PLCB1: variants seen among roughly 807,000 people sequenced by gnomAD.
The protein encoded by PLCB1 is 1-phosphatidylinositol 4,5-bisphosphate phosphodiesterase beta-1.
A neutral mutation model predicts 161.8 loss-of-function variants in PLCB1; 46 were observed. That is an observed-to-expected ratio of 0.28 (90% CI 0.22 to 0.36). PLCB1 has a LOEUF of 0.36. PLCB1 is among the 10% of genes least tolerant of loss of function. The pLI, the probability that PLCB1 is intolerant of heterozygous loss-of-function variation, is 1.00. For synonymous variants in PLCB1, 517 were observed against 503.7 expected, an observed-to-expected ratio of 1.03 and a Z score of -0.35; for missense variants, 1,016 against 1,472.5, an observed-to-expected ratio of 0.69 and a Z score of 5.07.
intron 2 of PLCB1, among the ~76,000 whole-genome samples, chr20:8,318,512 T>C (rs1046507903): frequency 2.6e-5 from 4 of 151,648 alleles, no homozygotes; most frequent in Non-Finnish European, 2.9e-5. Flanking sequence ...AAACAGAAAT[T>C]AGGACAGCGC....
intron 3 of PLCB1, among the ~76,000 whole-genome samples, chr20:8,509,255 T>C (rs1329122430): frequency 6.6e-6 from 1 of 152,168 alleles, no homozygotes; most frequent in Non-Finnish European, 1.5e-5. Flanking sequence ...TCCTTGCCCA[T>C]GTGTGGCTAG....
rs61698006 is a variant in PLCB1 at position 8,203,097 on chromosome 20, G to GCACA, written c.177+52740_177+52743dup. Among the ~76,000 whole-genome samples the GCACA allele has an allele frequency of 1.3e-3, 189 of 150,254 alleles. 2 individuals are homozygous for GCACA. The East Asian group carries it at 0.018, about 15-fold the overall frequency. ...TTCTGGGTTGTATGCACACACACGC[G>GCACA]CACACACACACACACACGTACACAC... On this transcript the variant is annotated intron_variant, in intron 2 of 31. Coordinates refer to ENST00000338037, the MANE Select transcript of PLCB1 (RefSeq NM_015192.4).
intron 3 of PLCB1, among the ~76,000 whole-genome samples, chr20:8,572,801 G>A (rs1235027984): frequency 6.6e-6 from 1 of 152,204 alleles, no homozygotes; most frequent in African/African-American, 2.4e-5. Context: ...ACTGGGCCCT[G>A]TGTGACTGCA....
chr20:8,261,444 T>C (rs1448419261), intron 2 of PLCB1, among the ~76,000 whole-genome samples: 1 of 152,168 alleles, frequency 6.6e-6, no homozygotes, highest in Non-Finnish European at 1.5e-5. Context: ...CTAAGCTATT[T>C]AGGGAAACAT....
At chr20:8,306,013 G>A (rs1309321611) in intron 2 of PLCB1, 3 of 152,166 alleles carry the variant, frequency 2.0e-5, no homozygotes, top group East Asian at 1.9e-4. Context: ...CCAGAAATGG[G>A]CTTCGGAAGC....
intron 23 of PLCB1, 130 bp from the exon 24 acceptor site, chr20:8,756,916 A>G: frequency 1.2e-6 from 1 of 820,530 alleles, no homozygotes; most frequent in Non-Finnish European, 1.9e-6. Flanking sequence ...CTTTCCAGGG[A>G]GTATCAAATT....
chr20:8,524,306 GGTTTT>G (rs1194563916), intron 3 of PLCB1, among the ~76,000 whole-genome samples: 2 of 152,066 alleles, frequency 1.3e-5, no homozygotes, highest in African/African-American at 4.8e-5. Flanking sequence ...GAACCTCCTG[GGTTTT>G]GTTTTGTTTT....
intron 3 of PLCB1, among the ~76,000 whole-genome samples, chr20:8,561,305 G>A (rs1188659849): frequency 3.3e-5 from 5 of 151,854 alleles, no homozygotes; most frequent in Non-Finnish European, 5.9e-5. Flanking sequence ...CTTTAACTTA[G>A]AACATAATAT....
At chr20:8,160,479 G>A (rs569085773) in intron 2 of PLCB1, among the ~76,000 whole-genome samples, 117 of 152,290 alleles carry the variant, frequency 7.7e-4, no homozygotes, top group African/African-American at 2.4e-3. Context: ...ACAGTTCCAC[G>A]TGGCTGGGGA....
chr20:8,323,384 T>A (rs1406284666), intron 2 of PLCB1, among the ~76,000 whole-genome samples: 1 of 152,130 alleles, frequency 6.6e-6, no homozygotes, highest in African/African-American at 2.4e-5. Context: ...TAGATAATAA[T>A]CTTTCCACGT....
In PLCB1 at chr20:8,747,014, T is replaced by C. The variant is rs143499759; in HGVS notation, c.2523+5441T>C. Among the ~76,000 whole-genome samples the C allele has an allele frequency of 2.2e-3, 329 of 152,310 alleles. 5 individuals carry two copies. The highest frequency in any genetic ancestry group is 0.013 in the East Asian group (68 of 5,180). On this transcript the variant is annotated intron_variant, in intron 23 of 31. Coordinates refer to ENST00000338037, the MANE Select transcript of PLCB1 (RefSeq NM_015192.4). The stretch of plus-strand genomic sequence containing the variant: ...AAGCATCTCCACCACACACACGCAC[T>C]ACCTCTGTAACAAAGCTGTAATTTT...
chr20:8,179,647 C>T (rs986899256), intron 2 of PLCB1, among the ~76,000 whole-genome samples: 1 of 151,976 alleles, frequency 6.6e-6, no homozygotes, highest in African/African-American at 2.4e-5. Context: ...TTTCTCTTGC[C>T]CGATTGCTCT....
At chr20:8,755,317 T>C (rs1981685126) in intron 23 of PLCB1, among the ~76,000 whole-genome samples, 1 of 151,928 alleles carries the variant, frequency 6.6e-6, no homozygotes, top group East Asian at 1.9e-4. Context: ...GGTCAATTTT[T>C]CATCTGTAAT....
At chr20:8,219,037 G>GA (rs2123159486) in intron 2 of PLCB1, among the ~76,000 whole-genome samples, 1 of 152,170 alleles carries the variant, frequency 6.6e-6, no homozygotes, top group South Asian at 2.1e-4. Flanking sequence ...ACATTACCAA[G>GA]AGTTACTCAC....
chr20:8,505,747 G>A (rs1401648713), intron 3 of PLCB1, among the ~76,000 whole-genome samples: 2 of 152,210 alleles, frequency 1.3e-5, no homozygotes, highest in Non-Finnish European at 2.9e-5. Context: ...GGAAAATACA[G>A]TTGGCTCAGT....
intron 3 of PLCB1, among the ~76,000 whole-genome samples, chr20:8,527,329 C>G (rs1984622066): frequency 1.3e-5 from 2 of 151,980 alleles, no homozygotes; most frequent in Admixed American, 6.6e-5. Flanking sequence ...CCATCAATAT[C>G]AAAAATTAAG....
chr20:8,276,926 T>TTTC (rs752434070), intron 2 of PLCB1, among the ~76,000 whole-genome samples: 2,583 of 104,584 alleles, frequency 0.025, 42 homozygotes, highest in Middle Eastern at 0.04. Flanking sequence ...GTCTTCTTCT[T>TTTC]TTCTTCTTCT....
chr20:8,684,941 C>G lies in PLCB1; in HGVS notation c.872C>G (p.Ser291Ter). ...NNSLARKGQI[S>*]VDGFMRYLSG... is the part of the protein sequence containing the mutation. ...ACTTCATTTCCTCCAGGACAAATAT[C>G]AGTGGATGGGTTCATGCGCTATCTG... Residue 291 changes from serine to a stop codon, truncating the protein, a stop_gained, in exon 10 of 32, where the codon TCA becomes TGA. Transcript: ENST00000338037. LOFTEE classifies it high-confidence loss of function. 6.2e-7 allele frequency: 1 copy of G among 1,612,464 alleles called. No individual in the cohort carries two copies. Among genetic ancestry groups the G allele is most frequent in the Non-Finnish European group, 8.5e-7 (1 of 1,179,094 alleles).
At chr20:8,798,494 G>A (rs1392781412) in intron 31 of PLCB1, among the ~76,000 whole-genome samples, 2 of 152,090 alleles carry the variant, frequency 1.3e-5, no homozygotes, top group East Asian at 3.9e-4. Context: ...GGCAGGAAAG[G>A]AAAATTACAA....
Sources: allele counts gnomAD v4.1 joint callset (sites outside exome capture counted in the v4.1 genomes callset), GRCh38; gene constraint gnomAD v4.1.1; transcripts MANE v1.5; gene names NCBI Gene and HGNC (gene_info 2026-07-23, HGNC 2026-07-21).